Variants in CAST observed in about 807,000 individuals in gnomAD.
CAST encodes the protein MIR583 host.
CAST carries 76 observed loss-of-function variants against 119.6 expected under a neutral mutation model. The ratio of observed to expected loss-of-function variants is 0.64; its 90% CI spans 0.53 to 0.77. The LOEUF is 0.77. Ranked by LOEUF, CAST falls within the 30% of genes least tolerant of loss-of-function variation. The probability of loss-of-function intolerance (pLI) is 0.00; values close to 1 mark genes in which losing one functional copy is unlikely to be tolerated. For missense variants in CAST, 953 were observed against 946.5 expected, an observed-to-expected ratio of 1.01 and a Z score of -0.09; for synonymous variants, 319 against 331.6, an observed-to-expected ratio of 0.96 and a Z score of 0.41.
the CAST span, among the ~76,000 whole-genome samples, chr5:96,147,758 A>G: frequency 6.6e-6 from 1 of 152,182 alleles, no homozygotes. Context: ...TGCCAACCAC[A>G]CAATTCTTTA....
intron 1 of CAST, chr5:96,584,595 A>C (rs1746824627): frequency 6.6e-6 from 1 of 152,260 alleles, no homozygotes; most frequent in African/African-American, 2.4e-5. Context: ...TTGGTGTTAG[A>C]GGTCTGAAAA....
chr5:96,616,110 G>A (rs1376778912), intron 1 of CAST, among the ~76,000 whole-genome samples: 8 of 152,212 alleles, frequency 5.3e-5, no homozygotes, highest in African/African-American at 1.9e-4. Flanking sequence ...TTAAGGGTGG[G>A]TCTGTCTTTC....
At chr5:96,726,690 A>G in intron 4 of CAST, 104 bp from the exon 5 acceptor site, 2 of 744,054 alleles carry the variant, frequency 2.7e-6, no homozygotes, top group South Asian at 1.8e-5. Flanking sequence ...TAGATGCAAT[A>G]GATGAATAGA....
intron 1 of CAST, among the ~76,000 whole-genome samples, chr5:96,612,449 C>T (rs960862007): frequency 6.6e-6 from 1 of 152,048 alleles, no homozygotes; most frequent in African/African-American, 2.4e-5. Context: ...GGAAAGAGAG[C>T]AAGAGTTGAA....
chr5:96,725,860 T>C (rs1759154945), intron 4 of CAST, among the ~76,000 whole-genome samples: 2 of 152,286 alleles, frequency 1.3e-5, no homozygotes, highest in Non-Finnish European at 2.9e-5. Flanking sequence ...TAGAAACTCA[T>C]TAATGAGAAT....
At chr5:95,966,772 T>C in the CAST span, among the ~76,000 whole-genome samples, 4 of 152,140 alleles carry the variant, frequency 2.6e-5, no homozygotes, top group Non-Finnish European at 5.9e-5. Flanking sequence ...TTAGCTTTTT[T>C]CCCCTCTCTC....
At chr5:96,314,799 C>T in the CAST span, among the ~76,000 whole-genome samples, 1 of 152,188 alleles carries the variant, frequency 6.6e-6, no homozygotes, top group East Asian at 1.9e-4. Context: ...GAACTCCTCC[C>T]AGTCAAGAAG....
At chr5:96,061,568 C>A in the CAST span, among the ~76,000 whole-genome samples, 1 of 152,018 alleles carries the variant, frequency 6.6e-6, no homozygotes, top group Non-Finnish European at 1.5e-5. Flanking sequence ...CTTGGATGCA[C>A]TATAGCCCCT....
intron 1 of CAST, among the ~76,000 whole-genome samples, chr5:96,534,732 A>AAGGAAGGAAG (rs1370245185): frequency 5.2e-5 from 1 of 19,092 alleles, no homozygotes; most frequent in African/African-American, 1.7e-4. Flanking sequence ...AGAGAGAGAG[A>AAGGAAGGAAG]GAGAGAGAGA....
At chr5:96,617,630 A>T (rs930291366) in intron 1 of CAST, among the ~76,000 whole-genome samples, 3 of 151,434 alleles carry the variant, frequency 2.0e-5, no homozygotes, top group African/African-American at 4.9e-5. Context: ...TCTACTAAAA[A>T]TACAAAAAAA....
the CAST span, among the ~76,000 whole-genome samples, chr5:96,427,651 A>T: frequency 1.3e-5 from 2 of 152,154 alleles, no homozygotes; most frequent in African/African-American, 4.8e-5. Flanking sequence ...GGCCATCTTC[A>T]TTGTCATGAG....
the CAST span, among the ~76,000 whole-genome samples, chr5:96,175,679 C>A: frequency 5.3e-5 from 8 of 152,170 alleles, no homozygotes; most frequent in Non-Finnish European, 1.0e-4. Context: ...AAGCAACTAT[C>A]TATGGAACAA....
the CAST span, among the ~76,000 whole-genome samples, chr5:96,517,662 C>T: frequency 2.0e-5 from 3 of 152,174 alleles, no homozygotes; most frequent in Non-Finnish European, 4.4e-5. Flanking sequence ...CTCATTATTG[C>T]TCCATCGATG....
At chr5:96,025,151 G>A in the CAST span, among the ~76,000 whole-genome samples, 1 of 152,106 alleles carries the variant, frequency 6.6e-6, no homozygotes, top group Non-Finnish European at 1.5e-5. Flanking sequence ...TCAAGTTGCT[G>A]TAACAAATTA....
chr5:96,644,515 A>G (rs1348774388), intron 1 of CAST, among the ~76,000 whole-genome samples: 7 of 152,230 alleles, frequency 4.6e-5, no homozygotes, highest in Admixed American at 3.9e-4. Context: ...TTTTTCTTAT[A>G]ACAGTTTATT....
chr5:96,754,545 T>C, intron 21 of CAST, 113 bp from the exon 22 acceptor site: 1 of 703,122 alleles, frequency 1.4e-6, no homozygotes, highest in Non-Finnish European at 2.5e-6. Context: ...TACGGTCATA[T>C]GTACTTCCTA....
At chr5:96,340,095 TCAG>T in the CAST span, among the ~76,000 whole-genome samples, 1 of 152,164 alleles carries the variant, frequency 6.6e-6, no homozygotes, top group African/African-American at 2.4e-5. Context: ...TTTTAAGCAG[TCAG>T]TATTAAGAGA....
chr5:96,611,374 G>A (rs7727536), intron 1 of CAST, among the ~76,000 whole-genome samples: 3,376 of 152,078 alleles, frequency 0.022, 131 homozygotes, highest in African/African-American at 0.069. Context: ...CACCCTGTTC[G>A]ACAAATGGTG....
chr5:95,976,200 G>C, the CAST span, among the ~76,000 whole-genome samples: 1 of 151,020 alleles, frequency 6.6e-6, no homozygotes, highest in African/African-American at 2.4e-5. Context: ...CTAGTATTCC[G>C]TTGTTTCCAT....
Sources: allele counts gnomAD v4.1 joint callset (sites outside exome capture counted in the v4.1 genomes callset), GRCh38; gene constraint gnomAD v4.1.1; transcripts MANE v1.5; gene names NCBI Gene and HGNC (gene_info 2026-07-23, HGNC 2026-07-21).